MAPK10: variants seen among roughly 807,000 people sequenced by gnomAD.
MAPK10 encodes JNK3 alpha protein kinase.
MAPK10 carries 25 observed loss-of-function variants against 59.3 expected under a neutral mutation model. The ratio of observed to expected loss-of-function variants is 0.42; its 90% CI spans 0.31 to 0.59. The LOEUF (loss-of-function observed/expected upper bound fraction) is 0.59, where lower values mean the gene tolerates loss of function less well. MAPK10 is among the 20% of genes least tolerant of loss of function. The pLI is 0.15. For synonymous variants in MAPK10, 190 were observed against 200.5 expected, an observed-to-expected ratio of 0.95 and a Z score of 0.44; for missense variants, 351 against 568.9, an observed-to-expected ratio of 0.62 and a Z score of 3.90.
chr4:86,572,516 T>C (rs574759448), intron 1 of MAPK10, among the ~76,000 whole-genome samples: 6 of 152,334 alleles, frequency 3.9e-5, no homozygotes, highest in Middle Eastern at 3.4e-3. Context: ...TCCAACACTA[T>C]ATGCAAACAG....
chr4:86,111,605 T>C (rs1180753673), intron 4 of MAPK10, among the ~76,000 whole-genome samples: 1 of 152,160 alleles, frequency 6.6e-6, no homozygotes, highest in Non-Finnish European at 1.5e-5. Flanking sequence ...TAAGCTTTTT[T>C]ATGTGCTGCT....
intron 2 of MAPK10, among the ~76,000 whole-genome samples, chr4:86,205,666 C>A (rs67712948): frequency 0.32 from 49,203 of 151,700 alleles, 10,995 homozygotes; most frequent in African/African-American, 0.64. Context: ...AATTGAGAAT[C>A]TCTAGTAATA....
intron 1 of MAPK10, among the ~76,000 whole-genome samples, chr4:86,587,874 G>C (rs2149115620): frequency 6.6e-6 from 1 of 152,300 alleles, no homozygotes; most frequent in East Asian, 1.9e-4. Context: ...GGATGAAGCT[G>C]GGTGTGGCAA....
At chr4:86,403,333 G>A (rs992927315) in intron 1 of MAPK10, among the ~76,000 whole-genome samples, 1 of 152,100 alleles carries the variant, frequency 6.6e-6, no homozygotes, top group Non-Finnish European at 1.5e-5. Flanking sequence ...TAGCCAACGT[G>A]GTGAAATCCC....
intron 1 of MAPK10, among the ~76,000 whole-genome samples, chr4:86,522,172 C>T (rs1757156896): frequency 1.3e-5 from 2 of 152,190 alleles, no homozygotes; most frequent in Admixed American, 6.5e-5. Flanking sequence ...CCCTCTATCA[C>T]ACTTTGGAAA....
intron 1 of MAPK10, among the ~76,000 whole-genome samples, chr4:86,400,751 G>GT (rs1419316825): frequency 6.6e-6 from 1 of 152,080 alleles, no homozygotes; most frequent in Admixed American, 6.6e-5. Context: ...CTCCCTTGCA[G>GT]TTTTTTGGAA....
intron 2 of MAPK10, among the ~76,000 whole-genome samples, chr4:86,203,704 C>G (rs2083161951): frequency 6.7e-6 from 1 of 149,704 alleles, no homozygotes; most frequent in South Asian, 2.1e-4. Context: ...TTAAAAATGA[C>G]TTTGTGTTCT....
intron 9 of MAPK10, among the ~76,000 whole-genome samples, chr4:86,078,602 T>C (rs961555558): frequency 8.0e-5 from 12 of 149,354 alleles, no homozygotes; most frequent in Non-Finnish European, 1.3e-4. Flanking sequence ...TATATATATA[T>C]ATACACACAC....
chr4:86,533,958 T>A (rs1325993144), intron 1 of MAPK10, among the ~76,000 whole-genome samples: 1 of 152,138 alleles, frequency 6.6e-6, no homozygotes, highest in Non-Finnish European at 1.5e-5. Flanking sequence ...GAAGCACCAT[T>A]ACTCTCCTAG....
chr4:86,059,385 G>A (rs1486853488), intron 11 of MAPK10, among the ~76,000 whole-genome samples: 1 of 152,092 alleles, frequency 6.6e-6, no homozygotes, highest in Non-Finnish European at 1.5e-5. Context: ...TAATAATTAA[G>A]CATTTAAGAC....
At chr4:86,503,563 G>C (rs1755486660) in intron 1 of MAPK10, among the ~76,000 whole-genome samples, 2 of 152,088 alleles carry the variant, frequency 1.3e-5, no homozygotes. Context: ...CCAAGGGTCA[G>C]TTCTCCATCC....
chr4:86,346,411 T>C (rs138287428), intron 2 of MAPK10, among the ~76,000 whole-genome samples: 49 of 152,318 alleles, frequency 3.2e-4, no homozygotes, highest in African/African-American at 1.1e-3. Flanking sequence ...TAAATAGTTA[T>C]TATACTGTAT....
At chr4:86,534,463 A>C (rs1034864473) in intron 1 of MAPK10, among the ~76,000 whole-genome samples, 1 of 152,198 alleles carries the variant, frequency 6.6e-6, no homozygotes, top group Non-Finnish European at 1.5e-5. Context: ...AAAAAGTCTG[A>C]AGTTTAATTA....
chr4:86,188,652 C>T (rs2078874144), intron 3 of MAPK10, among the ~76,000 whole-genome samples: 1 of 152,072 alleles, frequency 6.6e-6, no homozygotes, highest in South Asian at 2.1e-4. Context: ...AGCCCTTTGT[C>T]AGATGGATAC....
upstream of MAPK10, among the ~76,000 whole-genome samples, chr4:86,457,655 T>C (rs111980036): frequency 1.3e-3 from 199 of 152,238 alleles, 1 homozygote; most frequent in African/African-American, 4.6e-3. Flanking sequence ...AAAGAAATCA[T>C]AGATGACACA....
intron 11 of MAPK10, among the ~76,000 whole-genome samples, chr4:86,049,549 C>T (rs2043130777): frequency 6.6e-6 from 1 of 152,002 alleles, no homozygotes; most frequent in Admixed American, 6.6e-5. Context: ...TCTTATGTCA[C>T]ATAGACTAAA....
At chr4:86,371,661 T>C (rs1578950583) in intron 1 of MAPK10, among the ~76,000 whole-genome samples, 1 of 152,144 alleles carries the variant, frequency 6.6e-6, no homozygotes, top group East Asian at 1.9e-4. Flanking sequence ...AGGTGATTTC[T>C]GCATTTCCAA....
chr4:86,387,327 T>A (rs1442059015), intron 1 of MAPK10, among the ~76,000 whole-genome samples: 3 of 152,174 alleles, frequency 2.0e-5, no homozygotes, highest in Non-Finnish European at 2.9e-5. Context: ...ATTTTGCCAA[T>A]GATTTTCTGC....
Position 86,011,286 on chromosome 4 carries a change from C to T in MAPK10, c.*5942G>A, listed in dbSNP as rs894764278. The T allele has an allele frequency of 1.3e-5, 2 of 152,186 alleles. No homozygotes were observed. The highest frequency in any genetic ancestry group is 3.9e-4 in the East Asian group (2 of 5,192). The allele number at this position is 152,186 out of a possible 1,614,324, so 9.4% of individuals were successfully genotyped here. A position where few individuals can be genotyped will look rare whatever the true frequency, so the allele number is the denominator to read the frequency against. ...TGATCTGTGATGGCAGGACTTTCAG[C>T]GTGTTTCACTATTAGCATGTGTCAT... On this transcript the variant is annotated 3_prime_UTR_variant, in exon 14 of 14. Coordinates refer to ENST00000641462, the MANE Select transcript of MAPK10 (RefSeq NM_138982.4).
Sources: gnomAD v4.1 joint callset for allele counts (sites outside exome capture counted in the v4.1 genomes callset) on GRCh38, gnomAD v4.1.1 for gene constraint, MANE v1.5 for transcripts, NCBI Gene and HGNC (gene_info 2026-07-23, HGNC 2026-07-21) for gene names.